LINGO2: variants seen among roughly 807,000 people sequenced by gnomAD.
The protein encoded by LINGO2 is leucine rich repeat and Ig domain containing 2.
Under a neutral mutation model 30.6 loss-of-function variants are expected in LINGO2, and 14 were observed. The ratio of observed to expected loss-of-function variants is 0.46; its 90% CI spans 0.30 to 0.72. The LOEUF (loss-of-function observed/expected upper bound fraction) is 0.72. Among genes scored for constraint, LINGO2 ranks in the 30% least tolerant of loss-of-function variants. The probability of loss-of-function intolerance (pLI) is 0.07; values close to 1 mark genes in which losing one functional copy is unlikely to be tolerated. For synonymous variants in LINGO2, 317 were observed against 288.5 expected, an observed-to-expected ratio of 1.10 and a Z score of -1.00; for missense variants, 729 against 751.7, an observed-to-expected ratio of 0.97 and a Z score of 0.35.
intron 4 of LINGO2, among the ~76,000 whole-genome samples, chr9:28,178,928 C>G (rs1409692792): frequency 2.0e-5 from 3 of 152,074 alleles, no homozygotes; most frequent in Non-Finnish European, 4.4e-5. Flanking sequence ...TTTTCTGAAT[C>G]TATGCTCCAT....
the LINGO2 span, among the ~76,000 whole-genome samples, chr9:28,920,588 G>T: frequency 7.2e-5 from 11 of 152,054 alleles, no homozygotes; most frequent in African/African-American, 2.7e-4. Flanking sequence ...CATTCTCAAA[G>T]AAATTGCTAC....
intron 2 of LINGO2, among the ~76,000 whole-genome samples, chr9:28,429,061 T>C (rs945604168): frequency 1.3e-5 from 2 of 152,196 alleles, no homozygotes; most frequent in South Asian, 2.1e-4. Flanking sequence ...TTTTTGACAA[T>C]TGTATCATAG....
At chr9:28,314,311 CTTAG>C (rs771018871) in intron 3 of LINGO2, among the ~76,000 whole-genome samples, 18 of 152,232 alleles carry the variant, frequency 1.2e-4, no homozygotes, top group African/African-American at 3.6e-4. Flanking sequence ...CAGCTGGATC[CTTAG>C]TTAGGGTAAA....
chr9:28,599,610 G>A (rs1488614148), intron 1 of LINGO2, among the ~76,000 whole-genome samples: 2 of 151,938 alleles, frequency 1.3e-5, no homozygotes, highest in Non-Finnish European at 2.9e-5. Context: ...AATAAAGAAA[G>A]TTTATTGTTT....
the LINGO2 span, among the ~76,000 whole-genome samples, chr9:29,140,282 C>A: frequency 2.8e-4 from 43 of 151,788 alleles, no homozygotes; most frequent in African/African-American, 9.7e-4. Flanking sequence ...AAATAGCTAT[C>A]ATAAAGACTC....
At chr9:29,127,166 G>T in the LINGO2 span, among the ~76,000 whole-genome samples, 303 of 152,190 alleles carry the variant, frequency 2.0e-3, 1 homozygote, top group African/African-American at 6.9e-3. Flanking sequence ...AGAAAATTCT[G>T]TAACCAATGC....
At position 28,466,603 on chromosome 9, in the gene LINGO2, G is replaced by T. The variant is rs138163978; in HGVS notation, c.-279+9337C>A. On this transcript the variant is annotated intron_variant, in intron 2 of 5. Coordinates refer to ENST00000379992, the Ensembl canonical transcript of LINGO2. ...TGAAATAAATGAAAGAGTACAACTG[G>T]ACTGTTTGTAATACAAAGGATAGAT... Among the ~76,000 whole-genome samples the T allele has an allele frequency of 6.9e-3, 1,057 of 152,192 alleles. 12 individuals are homozygous for T. The highest frequency in any genetic ancestry group is 0.024 in the African/African-American group (1,005 of 41,518).
chr9:28,259,485 G>A (rs1822493192), intron 4 of LINGO2, among the ~76,000 whole-genome samples: 1 of 151,786 alleles, frequency 6.6e-6, no homozygotes. Context: ...GATAGCTTGG[G>A]GTCTGAGTTG....
the LINGO2 span, among the ~76,000 whole-genome samples, chr9:28,719,784 T>C: frequency 1.3e-5 from 2 of 152,100 alleles, no homozygotes; most frequent in Non-Finnish European, 2.9e-5. Context: ...TATTGCTTAT[T>C]AAATATTAGA....
At position 27,991,611 on chromosome 9, in the gene LINGO2, G is replaced by A. The variant is rs1319204808; in HGVS notation, c.-36+20744C>T. The stretch of plus-strand genomic sequence containing the variant: ...CAGAAAGAGGAGCTGACCATGTCAA[G>A]GGCAACTTCAAACACATAGGAACAC... On this transcript the variant is annotated intron_variant, in intron 5 of 5. Coordinates refer to ENST00000379992, the Ensembl canonical transcript of LINGO2. 2.0e-5 allele frequency among the ~76,000 whole-genome samples: 3 copies of A among 152,150 alleles called. No individual in the cohort carries two copies. In the East Asian group the frequency reaches 5.8e-4, roughly 30 times the overall value.
chr9:28,992,830 C>A, the LINGO2 span, among the ~76,000 whole-genome samples: 6 of 151,856 alleles, frequency 4.0e-5, no homozygotes, highest in African/African-American at 1.5e-4. Context: ...AACGAAGACA[C>A]AACATACCAG....
At chr9:28,698,620 G>GT in the LINGO2 span, among the ~76,000 whole-genome samples, 3 of 151,062 alleles carry the variant, frequency 2.0e-5, no homozygotes, top group Non-Finnish European at 3.0e-5. Flanking sequence ...TGTGTGTGTG[G>GT]TTTTTTTTTA....
chr9:29,038,506 C>T, the LINGO2 span, among the ~76,000 whole-genome samples: 84 of 151,740 alleles, frequency 5.5e-4, no homozygotes, highest in African/African-American at 1.9e-3. Flanking sequence ...CACCTTTTTT[C>T]CCCACATGAA....
chr9:28,302,438 G>A (rs1824183931), intron 3 of LINGO2, among the ~76,000 whole-genome samples: 1 of 152,184 alleles, frequency 6.6e-6, no homozygotes. Context: ...CAGCATTTTG[G>A]GAGGCCAAGA....
At chr9:29,175,437 C>T in the LINGO2 span, among the ~76,000 whole-genome samples, 30 of 151,950 alleles carry the variant, frequency 2.0e-4, no homozygotes, top group Admixed American at 1.5e-3. Flanking sequence ...TGTGCACCTG[C>T]TCTAAAATGT....
rs557878797 is a variant in LINGO2, at chr9:28,611,600, A to G, written c.-365+58600T>C. ...TTCTACTTTCTGCTTCTACAAACTC[A>G]TCTTTTTTAGATTTCATATATAAGT... On this transcript the variant is annotated intron_variant, in intron 1 of 5. Coordinates refer to ENST00000379992, the Ensembl canonical transcript of LINGO2. 4.3e-4 allele frequency among the ~76,000 whole-genome samples: 66 copies of G among 152,084 alleles called. 1 individual carries two copies. The highest frequency in any genetic ancestry group is 2.1e-4 in the South Asian group (1 of 4,816).
At chr9:28,853,472 GA>G in the LINGO2 span, among the ~76,000 whole-genome samples, 3 of 152,008 alleles carry the variant, frequency 2.0e-5, no homozygotes, top group African/African-American at 7.2e-5. Flanking sequence ...TTGGTGATCA[GA>G]AACACATGCT....
At chr9:28,041,844 A>T (rs1824210757) in intron 4 of LINGO2, among the ~76,000 whole-genome samples, 1 of 152,324 alleles carries the variant, frequency 6.6e-6, no homozygotes. Flanking sequence ...AAAGTTTATA[A>T]ACTCCGTAGT....
chr9:29,088,439 A>T, the LINGO2 span, among the ~76,000 whole-genome samples: 136 of 152,312 alleles, frequency 8.9e-4, no homozygotes, highest in African/African-American at 3.2e-3. Flanking sequence ...AAAGGCATCC[A>T]TGAGCCAGAG....
Sources: gnomAD v4.1 joint callset for allele counts (sites outside exome capture counted in the v4.1 genomes callset) on GRCh38, gnomAD v4.1.1 for gene constraint, MANE v1.5 for transcripts, NCBI Gene and HGNC (gene_info 2026-07-23, HGNC 2026-07-21) for gene names.